Variants in LRP2 observed in about 807,000 individuals in gnomAD.
The protein encoded by LRP2 is low-density lipoprotein receptor-related protein 2.
A neutral mutation model predicts 531.0 loss-of-function variants in LRP2; 172 were observed. That is an observed-to-expected ratio of 0.32 (90% CI 0.29 to 0.37). The LOEUF (loss-of-function observed/expected upper bound fraction) is 0.37, where lower values mean the gene tolerates loss of function less well. LRP2 is among the 10% of genes least tolerant of loss of function. The pLI, the probability that LRP2 is intolerant of heterozygous loss-of-function variation, is 1.00. For missense variants in LRP2, 5,167 were observed against 5,868.3 expected (o/e 0.88, Z 3.90); for synonymous variants, 1,992 against 2,027.6 (o/e 0.98, Z 0.47).
At chr2:169,265,013 C>T (rs751034261) in intron 16 of LRP2, among the ~76,000 whole-genome samples, 2 of 151,928 alleles carry the variant, frequency 1.3e-5, no homozygotes, top group African/African-American at 2.4e-5. Flanking sequence ...TGCCCACTCC[C>T]AGAACAGACC....
chr2:169,178,048 G>A (rs1227031430), intron 52 of LRP2, 22 bp from the exon 53 acceptor site: 11 of 1,556,904 alleles, frequency 7.1e-6, no homozygotes, highest in Non-Finnish European at 8.0e-6. Context: ...AGCAGAAACA[G>A]TTATGTGATA....
chr2:169,153,032 A>T (rs1686202906), intron 66 of LRP2, 68 bp from the exon 67 acceptor site: 2 of 1,447,198 alleles, frequency 1.4e-6, no homozygotes, highest in Non-Finnish European at 9.7e-7. Flanking sequence ...CAGGGGTCTA[A>T]TCAGGTGAAG....
At chr2:169,145,682 A>C in intron 70 of LRP2, 65 bp downstream of exon 70, 1 of 1,473,106 alleles carries the variant, frequency 6.8e-7, no homozygotes, top group Non-Finnish European at 9.5e-7. Flanking sequence ...CCAGCAATAT[A>C]GCCATTATTT....
chr2:169,157,547 T>G (rs761016943), intron 63 of LRP2, 45 bp from the exon 64 acceptor site: 2 of 1,607,338 alleles, frequency 1.2e-6, no homozygotes, highest in Non-Finnish European at 1.7e-6. Flanking sequence ...CAGCCACAAA[T>G]AACAGTCAAG....
intron 10 of LRP2, among the ~76,000 whole-genome samples, chr2:169,281,624 C>A (rs980798063): frequency 6.7e-5 from 10 of 149,200 alleles, no homozygotes; most frequent in Non-Finnish European, 1.5e-4. Flanking sequence ...GAGGCTGAGG[C>A]AGAGAATTGC....
chr2:169,211,178 C>T (rs1244998199), intron 37 of LRP2, among the ~76,000 whole-genome samples: 1 of 152,182 alleles, frequency 6.6e-6, no homozygotes, highest in East Asian at 1.9e-4. Context: ...CTCTCTGATT[C>T]CCTTCTCCAG....
At position 169,333,829 on chromosome 2, in the gene LRP2, T is replaced by C. The variant is rs190859754; in HGVS notation, c.80-12945A>G. ...GGTTATCTTTGCACCAGGAGTCCTT[T>C]GGCCCTGGTTTGTTATGCCTGGGCT... On this transcript the variant is annotated intron_variant, in intron 1 of 78. Transcript: ENST00000649046. 2.7e-4 allele frequency among the ~76,000 whole-genome samples: 41 copies of C among 152,316 alleles called. No individual in the cohort carries two copies. The East Asian group carries it at 7.9e-3, about 29-fold the overall frequency.
chr2:169,301,192 G>C (rs1357168435), intron 4 of LRP2, among the ~76,000 whole-genome samples: 1 of 152,034 alleles, frequency 6.6e-6, no homozygotes, highest in Admixed American at 6.6e-5. Flanking sequence ...TTCTAATATG[G>C]TGCTTGAAAA....
chr2:169,234,918 T>C (rs1382772297), intron 29 of LRP2, among the ~76,000 whole-genome samples: 1 of 152,062 alleles, frequency 6.6e-6, no homozygotes, highest in Non-Finnish European at 1.5e-5. Flanking sequence ...TTTTGTTTTT[T>C]TTTTTTTTGA....
intron 63 of LRP2, among the ~76,000 whole-genome samples, chr2:169,158,509 T>C (rs1303383122): frequency 3.3e-5 from 5 of 152,052 alleles, no homozygotes; most frequent in Admixed American, 2.0e-4. Flanking sequence ...TTGTAAGATA[T>C]ATATCTTGGT....
intron 3 of LRP2, among the ~76,000 whole-genome samples, chr2:169,309,951 T>C (rs896034449): frequency 6.6e-6 from 1 of 152,188 alleles, no homozygotes; most frequent in Non-Finnish European, 1.5e-5. Flanking sequence ...CCCTTGTAAG[T>C]TGGATTCCTA....
intron 5 of LRP2, 50 bp downstream of exon 5, chr2:169,294,550 G>T: frequency 1.5e-6 from 2 of 1,335,808 alleles, no homozygotes; most frequent in African/African-American, 1.4e-5. Context: ...TCTCAAACCA[G>T]TATAAACCAG....
intron 15 of LRP2, 54 bp downstream of exon 15, chr2:169,272,873 G>A: frequency 5.6e-6 from 9 of 1,607,314 alleles, no homozygotes; most frequent in Non-Finnish European, 7.7e-6. Flanking sequence ...TTAGAGGTTT[G>A]GACACACATA....
chr2:169,286,370 T>C (rs557522421), intron 9 of LRP2, among the ~76,000 whole-genome samples: 267 of 152,326 alleles, frequency 1.8e-3, no homozygotes, highest in African/African-American at 5.9e-3. Context: ...GAACTTAAAA[T>C]TAGTGCCCCG....
intron 1 of LRP2, among the ~76,000 whole-genome samples, chr2:169,324,964 G>A (rs955550358): frequency 1.3e-4 from 19 of 149,214 alleles, no homozygotes; most frequent in African/African-American, 3.2e-4. Context: ...AGCAAACAAT[G>A]AGACTTTAAA....
At position 169,181,626 on chromosome 2, in the gene LRP2, G is replaced by C; in HGVS notation, c.9999-8C>G. The C allele has an allele frequency of 1.9e-6, 3 of 1,613,898 alleles. No homozygotes were observed. Among genetic ancestry groups the C allele is most frequent in the Non-Finnish European group, 2.5e-6 (3 of 1,179,966 alleles). ...TCTGCCCAGTAGAGGTACCTGTCAGGGCAAACACAAAGGGTCAGTCCCTGA... is the reference window on the plus strand; with the variant it reads ...TCTGCCCAGTAGAGGTACCTGTCAGCGCAAACACAAAGGGTCAGTCCCTGA... On this transcript the variant is annotated splice_polypyrimidine_tract_variant and splice_region_variant and intron_variant, in intron 51 of 78. Transcript: ENST00000649046.
At chr2:169,205,681 C>T in intron 40 of LRP2, 44 bp from the exon 41 acceptor site, 1 of 1,510,906 alleles carries the variant, frequency 6.6e-7, no homozygotes, top group Non-Finnish European at 9.1e-7. Flanking sequence ...CAGGGAACCT[C>T]ATAGTCCTTT....
At position 169,201,685 on chromosome 2, in the gene LRP2, T is replaced by A; in HGVS notation, c.8395A>T (p.Ile2799Phe). The change falls in exon 44 of 79, where the codon ATC becomes TTC. Residue 2799 changes from isoleucine (I) to phenylalanine (F), a missense_variant. This residue lies in a region of LRP2 where 1,129 missense variants were observed against 1,362.7 expected (regional missense o/e 0.83). Transcript: ENST00000649046. ...NNRRCIPREF[I>F]CNGVDNCHDN... ...TGGCAGTTGTCTACACCATTGCAGA[T>A]AAACTCACGAGGTATGCACCTTCTG... 6.2e-7 allele frequency: 1 copy of A among 1,614,206 alleles called. No homozygotes were observed. Among genetic ancestry groups the A allele is most frequent in the East Asian group, 2.2e-5 (1 of 44,880 alleles).
At chr2:169,337,766 A>G (rs939642674) in intron 1 of LRP2, among the ~76,000 whole-genome samples, 1 of 152,318 alleles carries the variant, frequency 6.6e-6, no homozygotes, top group Non-Finnish European at 1.5e-5. Context: ...GTACATCTAC[A>G]TATATGCACA....
Sources: allele counts gnomAD v4.1 joint callset (sites outside exome capture counted in the v4.1 genomes callset), GRCh38; gene constraint gnomAD v4.1.1; regional missense constraint gnomAD v4.1.1; transcripts MANE v1.5; gene names NCBI Gene and HGNC (gene_info 2026-07-23, HGNC 2026-07-21).